The following AGBL1 variants were observed in gnomAD, a reference collection of about 807,000 sequenced individuals.
The protein encoded by AGBL1 is AGBL carboxypeptidase 1.
A neutral mutation model predicts 118.9 loss-of-function variants in AGBL1; 130 were observed. The observed-to-expected ratio is 1.09, with a 90% confidence interval of 0.95 to 1.26. The LOEUF is 1.26. Ranked by LOEUF, AGBL1 falls within the 50% of genes most tolerant of loss-of-function variation. The pLI, the probability that AGBL1 is intolerant of heterozygous loss-of-function variation, is 0.00. For missense variants in AGBL1, 1,584 were observed against 1,298.1 expected (o/e 1.22, Z -3.38); for synonymous variants, 555 against 478.9 (o/e 1.16, Z -2.08).
intron 18 of AGBL1, among the ~76,000 whole-genome samples, chr15:86,453,966 A>G (rs1198995608): frequency 6.6e-6 from 1 of 152,204 alleles, no homozygotes; most frequent in Non-Finnish European, 1.5e-5. Context: ...ACTGACAGAC[A>G]TAATTTGCCT....
At chr15:86,413,516 G>C (rs1466325433) in intron 18 of AGBL1, among the ~76,000 whole-genome samples, 1 of 151,946 alleles carries the variant, frequency 6.6e-6, no homozygotes, top group Non-Finnish European at 1.5e-5. Context: ...CCTTTTCTCT[G>C]TTTCCTCACC....
chr15:86,410,813 TATATATATATA>T (rs2081598174), intron 18 of AGBL1, among the ~76,000 whole-genome samples: 2 of 89,646 alleles, frequency 2.2e-5, no homozygotes, highest in East Asian at 6.7e-4. Flanking sequence ...TGTAGATATA[TATATATATATA>T]TATATATATA....
intron 5 of AGBL1, among the ~76,000 whole-genome samples, chr15:86,217,480 C>T (rs1002080791): frequency 9.9e-5 from 15 of 152,164 alleles, no homozygotes; most frequent in Non-Finnish European, 2.1e-4. Flanking sequence ...ATTAATAAAA[C>T]AATCACACAA....
chr15:86,750,898 C>T (rs1157193732), intron 22 of AGBL1, among the ~76,000 whole-genome samples: 1 of 151,980 alleles, frequency 6.6e-6, no homozygotes, highest in African/African-American at 2.4e-5. Flanking sequence ...ATATTTGGTT[C>T]TCTGTTCCTG....
At chr15:86,498,362 A>G (rs1442080675) in intron 18 of AGBL1, among the ~76,000 whole-genome samples, 1 of 151,938 alleles carries the variant, frequency 6.6e-6, no homozygotes, top group Non-Finnish European at 1.5e-5. Context: ...AGTGCCTGGT[A>G]CAGAGGTTGC....
At chr15:86,392,570 A>C (rs1196495776) in intron 17 of AGBL1, among the ~76,000 whole-genome samples, 1 of 152,186 alleles carries the variant, frequency 6.6e-6, no homozygotes, top group African/African-American at 2.4e-5. Flanking sequence ...ATATTGTTGA[A>C]AGAAAGAAGG....
At chr15:86,805,001 G>A (rs902250682) in intron 22 of AGBL1, among the ~76,000 whole-genome samples, 3 of 152,008 alleles carry the variant, frequency 2.0e-5, no homozygotes, top group Non-Finnish European at 2.9e-5. Context: ...GCAGGGTCCC[G>A]TGGGAAAGGC....
chr15:86,959,600 A>T (rs558730577), intron 23 of AGBL1, among the ~76,000 whole-genome samples: 1 of 152,090 alleles, frequency 6.6e-6, no homozygotes, highest in African/African-American at 2.4e-5. Context: ...GGAGAGATGA[A>T]TTAAAATTTA....
chr15:86,950,943 G>T (rs1308591998), intron 23 of AGBL1, among the ~76,000 whole-genome samples: 1 of 152,124 alleles, frequency 6.6e-6, no homozygotes, highest in Non-Finnish European at 1.5e-5. Flanking sequence ...GCTGAGAGTA[G>T]AGTGAGATAA....
At chr15:86,390,701 C>CTTTTTTTTTT (rs1555477580) in intron 17 of AGBL1, among the ~76,000 whole-genome samples, 1 of 76,774 alleles carries the variant, frequency 1.3e-5, no homozygotes, top group African/African-American at 5.2e-5. Context: ...CAGAGTTTTG[C>CTTTTTTTTTT]TCTTGTCACC....
At chr15:86,326,203 G>A (rs185165520) in intron 17 of AGBL1, among the ~76,000 whole-genome samples, 1 of 151,932 alleles carries the variant, frequency 6.6e-6, no homozygotes, top group African/African-American at 2.4e-5. Flanking sequence ...TTTTGTTCAG[G>A]ACAGCACAGT....
At chr15:86,929,607 C>T (rs2080582127) in intron 23 of AGBL1, among the ~76,000 whole-genome samples, 1 of 152,212 alleles carries the variant, frequency 6.6e-6, no homozygotes, top group Non-Finnish European at 1.5e-5. Flanking sequence ...TATGAAAGAG[C>T]AGTGCCCAGA....
intron 5 of AGBL1, among the ~76,000 whole-genome samples, chr15:86,210,345 A>C (rs1267738063): frequency 2.0e-5 from 3 of 152,088 alleles, no homozygotes; most frequent in African/African-American, 7.2e-5. Context: ...GTATTTCCTG[A>C]ATTTGAATGT....
intron 1 of AGBL1, among the ~76,000 whole-genome samples, chr15:86,081,745 A>G (rs1381020619): frequency 1.3e-5 from 2 of 152,232 alleles, no homozygotes; most frequent in African/African-American, 4.8e-5. Flanking sequence ...AACAACTGAA[A>G]ATATCTCATG....
intron 21 of AGBL1, among the ~76,000 whole-genome samples, chr15:86,652,689 G>T (rs2085395557): frequency 6.6e-6 from 1 of 152,132 alleles, no homozygotes; most frequent in Non-Finnish European, 1.5e-5. Context: ...AGGGTATTAA[G>T]TTAATGAAAA....
chr15:86,204,508 T>G, intron 5 of AGBL1, among the ~76,000 whole-genome samples: 1 of 121,542 alleles, frequency 8.2e-6, no homozygotes, highest in African/African-American at 3.1e-5. Flanking sequence ...CCCCTTCCCC[T>G]TCCCCTTCCC....
intron 21 of AGBL1, among the ~76,000 whole-genome samples, chr15:86,642,623 A>ATATGT (rs147109707): frequency 2.0e-5 from 3 of 151,356 alleles, no homozygotes; most frequent in Admixed American, 2.0e-4. Flanking sequence ...TACTTATTAA[A>ATATGT]TAATATTTAA....
intron 22 of AGBL1, among the ~76,000 whole-genome samples, chr15:86,852,341 C>T (rs1427096639): frequency 1.3e-5 from 2 of 152,152 alleles, no homozygotes; most frequent in Non-Finnish European, 2.9e-5. Context: ...AAACACCTCC[C>T]TCTCTCCACA....
intron 23 of AGBL1, among the ~76,000 whole-genome samples, chr15:86,964,271 C>A (rs2081026895): frequency 6.6e-6 from 1 of 151,828 alleles, no homozygotes; most frequent in African/African-American, 2.4e-5. Context: ...CAGGATAATT[C>A]TTTGTTGTGG....
Sources: gnomAD v4.1 joint callset for allele counts (sites outside exome capture counted in the v4.1 genomes callset) on GRCh38, gnomAD v4.1.1 for gene constraint, MANE v1.5 for transcripts, NCBI Gene and HGNC (gene_info 2026-07-23, HGNC 2026-07-21) for gene names.